Variants in HSPG2 observed in about 807,000 individuals in gnomAD.
The protein encoded by HSPG2 is heparan sulfate proteoglycan 2.
A neutral mutation model predicts 526.6 loss-of-function variants in HSPG2; 278 were observed. The ratio of observed to expected loss-of-function variants is 0.53; its 90% CI spans 0.48 to 0.58. The LOEUF is 0.58. Among genes scored for constraint, HSPG2 ranks in the 20% least tolerant of loss-of-function variants. HSPG2 has a pLI of 0.00. For missense variants in HSPG2, 5,354 were observed against 6,099.5 expected (o/e 0.88, Z 4.07); for synonymous variants, 2,465 against 2,555.4 (o/e 0.96, Z 1.07).
chr1:21,857,231 C>T, intron 43 of HSPG2, 36 bp from the exon 44 acceptor site: 1 of 1,613,624 alleles, frequency 6.2e-7, no homozygotes, highest in Non-Finnish European at 8.5e-7. Flanking sequence ...ATGGGTGGGG[C>T]TCAGAGACCC....
chr1:21,868,336 C>A (rs1003029201), intron 33 of HSPG2, among the ~76,000 whole-genome samples: 1 of 152,190 alleles, frequency 6.6e-6, no homozygotes. Context: ...CCACGCCCAG[C>A]CTGCTATGTG....
chr1:21,859,540 T>A lies in HSPG2; in HGVS notation c.5293+26A>T. On this transcript the variant is annotated intron_variant, in intron 42 of 96. Coordinates refer to ENST00000374695, the MANE Select transcript of HSPG2 (RefSeq NM_005529.7). This position sits in a 1 kb window ranked among gnomAD's most constrained non-coding sequence, Gnocchi z 5.3. ...CAGCCCAGCCCAGGACAGGCAGTCT[T>A]GGTTACAGGGGGCGTAGGGACTCAC... is the stretch of plus-strand genomic sequence containing the variant. 1 of 1,528,440 alleles carries A rather than the reference T, an allele frequency of 6.5e-7. No individual in the cohort carries two copies. The highest frequency in any genetic ancestry group is 2.4e-5 in the East Asian group (1 of 42,056). The allele number at this position is 1,528,440 out of a possible 1,614,324, so 94.7% of individuals were successfully genotyped here. A position where few individuals can be genotyped will look rare whatever the true frequency, so the allele number is the denominator to read the frequency against.
chr1:21,878,365 G>C (rs1365998790), intron 20 of HSPG2, 68 bp downstream of exon 20: 2 of 1,571,898 alleles, frequency 1.3e-6, no homozygotes, highest in Non-Finnish European at 1.7e-6. Flanking sequence ...AGGGAGGGAG[G>C]GTGCCTGGTG....
At chr1:21,838,154 A>G (rs1307252891) in intron 74 of HSPG2, among the ~76,000 whole-genome samples, 1 of 134,850 alleles carries the variant, frequency 7.4e-6, no homozygotes, top group East Asian at 1.9e-4. Context: ...AAAAAAAAAA[A>G]AAAAGAAAGA....
intron 1 of HSPG2, among the ~76,000 whole-genome samples, chr1:21,935,055 C>A (rs562077823): frequency 6.6e-6 from 1 of 151,844 alleles, no homozygotes; most frequent in Admixed American, 6.6e-5. Flanking sequence ...TACAAGCATG[C>A]GCCACCACAC....
In HSPG2 at chr1:21,884,929, C is replaced by T; in HGVS notation, c.1356-11G>A. The T allele has an allele frequency of 6.2e-7, 1 of 1,613,966 alleles. No homozygotes were observed. The highest frequency in any genetic ancestry group is 8.5e-7 in the Non-Finnish European group (1 of 1,180,012). ...CTGGTCACTGTCACCCTGGTGAGCC[C>T]CAAGACAAGTGGTAGGATCTGGCCT... On this transcript the variant is annotated splice_polypyrimidine_tract_variant and intron_variant, in intron 11 of 96. Transcript: ENST00000374695.
intron 12 of HSPG2, 33 bp downstream of exon 12, chr1:21,884,734 C>G (rs1166512710): frequency 1.3e-5 from 21 of 1,611,988 alleles, no homozygotes; most frequent in Non-Finnish European, 1.8e-5. Context: ...GGCTCTGCCC[C>G]CACACCCGGT....
chr1:21,916,604 A>C (rs905110982), intron 1 of HSPG2, among the ~76,000 whole-genome samples: 4 of 151,334 alleles, frequency 2.6e-5, no homozygotes, highest in Non-Finnish European at 5.9e-5. Context: ...AGGCAGGAGA[A>C]TTGCGTGAAC....
chr1:21,900,014 C>T (rs1218429553), intron 1 of HSPG2, among the ~76,000 whole-genome samples: 1 of 152,230 alleles, frequency 6.6e-6, no homozygotes, highest in Non-Finnish European at 1.5e-5. Context: ...GCATGTGCCT[C>T]AGGTCCCAAG....
rs372760688 is a variant in HSPG2 at position 21,834,781 on chromosome 1, C to A, written c.10618G>T (p.Val3540Phe). ...RPGIVQSGGV[V>F]RIAHVELADA... Reference sequence around the variant, plus strand: ...GCCAGCTCTACGTGGGCGATCCTGACGACACCTCCGCTCTGCACAATGCCT... The same window carrying A: ...GCCAGCTCTACGTGGGCGATCCTGAAGACACCTCCGCTCTGCACAATGCCT... The change falls in exon 77 of 97, where the codon GTC becomes TTC. Residue 3540 changes from valine to phenylalanine, a missense_variant. By Grantham distance (50) the Val-to-Phe change is conservative (BLOSUM62 -1). Coordinates refer to ENST00000374695, the MANE Select transcript of HSPG2 (RefSeq NM_005529.7). The A allele has an allele frequency of 1.5e-5, 24 of 1,614,080 alleles. No individual in the cohort carries two copies. Among genetic ancestry groups the A allele is most frequent in the Non-Finnish European group, 1.6e-5 (19 of 1,180,034 alleles).
intron 21 of HSPG2, chr1:21,877,390 GCA>G (rs1641160867): frequency 6.5e-6 from 1 of 152,772 alleles, no homozygotes; most frequent in Admixed American, 6.5e-5. Context: ...GAAATGACTT[GCA>G]CAAAGTTACT....
intron 9 of HSPG2, among the ~76,000 whole-genome samples, chr1:21,885,833 C>A (rs989193361): frequency 2.0e-5 from 3 of 152,246 alleles, no homozygotes; most frequent in African/African-American, 7.2e-5. Flanking sequence ...CAATGCCCCG[C>A]CCACCCTTCT....
In HSPG2 at chr1:21,823,393, C is replaced by A. The variant is rs373820736; in HGVS notation, c.13099G>T (p.Gly4367Cys). The A allele has an allele frequency of 2.6e-6, 4 of 1,561,358 alleles. No individual in the cohort carries two copies. In the South Asian group the frequency reaches 3.5e-5, roughly 14 times the overall value. ...TCCAGGGGCTGTGGGGGCGGGGCGC[C>A]GGGTCGGGCCGAGTGCAGCACCAGG... ...KNLVLHSARP[G>C]APPPQPLDLQ... The change falls in exon 97 of 97, where the codon GGC (glycine) becomes TGC (cysteine). Residue 4367 changes from glycine to cysteine, a missense_variant. Transcript: ENST00000374695.
Position 21,839,092 on chromosome 1 carries a change from G to T in HSPG2, c.9890-7C>A, listed in dbSNP as rs377609659. ...GTGGTGGCATATGGTGGGCCTGAGT[G>T]GGGGGACACAGAGGTCAGGATTGGG... is the stretch of plus-strand genomic sequence containing the variant. On this transcript the variant is annotated splice_region_variant and splice_polypyrimidine_tract_variant and intron_variant, in intron 73 of 96. Transcript: ENST00000374695. The surrounding 1 kb of genome is among the most constrained non-coding windows in gnomAD (Gnocchi z 4.5). 5.7e-6 allele frequency: 9 copies of T among 1,574,628 alleles called. No homozygotes were observed. Among genetic ancestry groups the T allele is most frequent in the South Asian group, 4.7e-5 (4 of 85,166 alleles).
At position 21,839,726 on chromosome 1, in the gene HSPG2, CT is replaced by C; in HGVS notation, c.9709+95del. On this transcript the variant is annotated intron_variant, in intron 72 of 96. Transcript: ENST00000374695. This position sits in a 1 kb window ranked among gnomAD's most constrained non-coding sequence, Gnocchi z 4.5. ...CACGGTCTCCCCGTACTCCCCACCCCTGGGCATGACATCATCTCTAGATCAC... is the reference window on the plus strand; with the variant it reads ...CACGGTCTCCCCGTACTCCCCACCCCGGGCATGACATCATCTCTAGATCAC... 6.8e-7 allele frequency: 1 copy of C among 1,460,134 alleles called. No individual in the cohort carries two copies. Among genetic ancestry groups the C allele is most frequent in the South Asian group, 1.2e-5 (1 of 85,674 alleles). 90.4% of individuals were successfully genotyped at this position (1,460,134 alleles called of 1,614,324 possible).
rs376524964 is a variant in HSPG2 at position 21,848,018 on chromosome 1, C to T, written c.7813G>A (p.Gly2605Ser). 20 of 1,613,278 alleles carry T rather than the reference C, an allele frequency of 1.2e-5. No individual in the cohort carries two copies. The highest frequency in any genetic ancestry group is 1.6e-4 in the Middle Eastern group (1 of 6,084). ...AGCGAGGTCTCCCGGGAGCCTGCACCGTTACTGACGTGACACACGTACTCG... is the reference window on the plus strand; with the variant it reads ...AGCGAGGTCTCCCGGGAGCCTGCACTGTTACTGACGTGACACACGTACTCG... ...SGEYVCHVSNGAGSRETSLIV... is the reference protein window; with the variant it reads ...SGEYVCHVSNSAGSRETSLIV... Residue 2605 changes from glycine (G) to serine (S), a missense_variant, in exon 60 of 97, where the codon GGT becomes AGT. Gly to Ser is a moderately conservative substitution (Grantham distance 56). Coordinates refer to ENST00000374695, the MANE Select transcript of HSPG2 (RefSeq NM_005529.7). This position sits in a 1 kb window ranked among gnomAD's most constrained non-coding sequence, Gnocchi z 4.9.
At chr1:21,832,753 T>A in intron 80 of HSPG2, 147 bp from the exon 81 acceptor site, 1 of 650,436 alleles carries the variant, frequency 1.5e-6, no homozygotes, top group Non-Finnish European at 2.8e-6. Flanking sequence ...CAGGGCCTTC[T>A]CACTATCTCA....
chr1:21,869,762 G>A (rs368496553), intron 33 of HSPG2: 6 of 979,122 alleles, frequency 6.1e-6, no homozygotes, highest in Non-Finnish European at 7.3e-6. Context: ...CCAGCCACCC[G>A]CTCTGCACTG....
chr1:21,828,830 C>T lies in HSPG2; in HGVS notation c.12237+5G>A, dbSNP rs1192324165. 25 of 1,550,080 alleles carry T rather than the reference C, an allele frequency of 1.6e-5. No individual in the cohort carries two copies. Among genetic ancestry groups the T allele is most frequent in the East Asian group, 2.4e-5 (1 of 40,828 alleles). The stretch of plus-strand genomic sequence containing the variant: ...TCCCGCTTGTCCCGAGGAGGCTGCT[C>T]TTACCTCGCCCACACAGCCGCGGAA... On this transcript the variant is annotated splice_donor_5th_base_variant and intron_variant, in intron 88 of 96. Coordinates refer to ENST00000374695, the MANE Select transcript of HSPG2 (RefSeq NM_005529.7). The surrounding 1 kb of genome is among the most constrained non-coding windows in gnomAD (Gnocchi z 6.0).
Sources: allele counts gnomAD v4.1 joint callset (sites outside exome capture counted in the v4.1 genomes callset), GRCh38; gene constraint gnomAD v4.1.1; non-coding constraint Gnocchi (gnomAD v3.1); transcripts MANE v1.5; gene names NCBI Gene and HGNC (gene_info 2026-07-23, HGNC 2026-07-21).